PIK3R3: variants seen among roughly 807,000 people sequenced by gnomAD.
PIK3R3 encodes the protein phosphatidylinositol 3-kinase regulatory subunit gamma.
A neutral mutation model predicts 62.9 loss-of-function variants in PIK3R3; 64 were observed. The observed-to-expected ratio is 1.02, with a 90% confidence interval of 0.83 to 1.25. PIK3R3 has a LOEUF of 1.25. Ranked by LOEUF, PIK3R3 falls within the 50% of genes most tolerant of loss-of-function variation. PIK3R3 has a pLI of 0.00. For synonymous variants in PIK3R3, 165 were observed against 189.0 expected (o/e 0.87, Z 1.04); for missense variants, 614 against 561.6 (o/e 1.09, Z -0.94).
chr1:46,132,397 C>G lies in PIK3R3; in HGVS notation c.-445G>C, dbSNP rs868760762. 8.9e-7 allele frequency: 1 copy of G among 1,124,524 alleles called. No individual in the cohort carries two copies. Among genetic ancestry groups the G allele is most frequent in the South Asian group, 1.9e-5 (1 of 52,550 alleles). 69.7% of individuals were successfully genotyped at this position (1,124,524 alleles called of 1,614,324 possible). ...AACCCGGGCAAGTGACAAAGGAAGG[C>G]AAAAAAGGGGGCTGGAGATTGCGTT... On this transcript the variant is annotated 5_prime_UTR_variant, in exon 1 of 10. Transcript: ENST00000262741.
chr1:46,151,291 A>G, the PIK3R3 span, among the ~76,000 whole-genome samples: 2 of 152,072 alleles, frequency 1.3e-5, no homozygotes, highest in South Asian at 2.1e-4. Context: ...CATTTTTGTG[A>G]TGGGAGGTGG....
At chr1:46,163,624 C>G in the PIK3R3 span, among the ~76,000 whole-genome samples, 1 of 152,190 alleles carries the variant, frequency 6.6e-6, no homozygotes, top group Non-Finnish European at 1.5e-5. Context: ...GAAGCTTTCC[C>G]TGTCTCCTTC....
chr1:46,086,325 G>A (rs2149421338), intron 1 of PIK3R3, among the ~76,000 whole-genome samples: 1 of 152,286 alleles, frequency 6.6e-6, no homozygotes, highest in East Asian at 1.9e-4. Context: ...GTGCAGTGGT[G>A]TGCACCTATA....
chr1:46,128,187 C>T (rs963091779), intron 1 of PIK3R3, among the ~76,000 whole-genome samples: 7 of 152,168 alleles, frequency 4.6e-5, no homozygotes, highest in Admixed American at 2.0e-4. Flanking sequence ...GTAATCCCAA[C>T]ACATTGGGAG....
intron 6 of PIK3R3, 104 bp downstream of exon 6, chr1:46,061,825 G>C (rs561182707): frequency 4.9e-6 from 5 of 1,022,890 alleles, no homozygotes; most frequent in African/African-American, 4.8e-5. Context: ...TCCAATAGTA[G>C]GGCTGTGCAG....
At chr1:46,160,045 A>C in the PIK3R3 span, among the ~76,000 whole-genome samples, 1 of 152,132 alleles carries the variant, frequency 6.6e-6, no homozygotes, top group Non-Finnish European at 1.5e-5. Flanking sequence ...TTAGTTCTTT[A>C]GCCTCTCCTT....
chr1:46,152,560 C>CTTT, the PIK3R3 span, among the ~76,000 whole-genome samples: 30 of 124,484 alleles, frequency 2.4e-4, no homozygotes, highest in South Asian at 2.8e-4. Context: ...TGATTAACAT[C>CTTT]TTTTTTTTTT....
chr1:46,058,713 A>C (rs2149387893), intron 6 of PIK3R3, among the ~76,000 whole-genome samples: 1 of 152,300 alleles, frequency 6.6e-6, no homozygotes, highest in African/African-American at 2.4e-5. Flanking sequence ...GTATTTACCC[A>C]ATGTCTGTAC....
chr1:46,160,069 G>A, the PIK3R3 span, among the ~76,000 whole-genome samples: 1 of 152,126 alleles, frequency 6.6e-6, no homozygotes, highest in Non-Finnish European at 1.5e-5. Flanking sequence ...CACAGCCAAT[G>A]ATTTGTCCAA....
chr1:46,092,917 A>C (rs1447842790), intron 1 of PIK3R3, among the ~76,000 whole-genome samples: 1 of 152,030 alleles, frequency 6.6e-6, no homozygotes, highest in Admixed American at 6.6e-5. Flanking sequence ...ATCCATTTTC[A>C]TGCTTTTACT....
At position 46,046,551 on chromosome 1, in the gene PIK3R3, T is replaced by G. The variant is rs1328115361; in HGVS notation, c.1016A>C (p.Glu339Ala). The G allele has an allele frequency of 2.5e-6, 4 of 1,602,342 alleles. No homozygotes were observed. The highest frequency in any genetic ancestry group is 2.2e-5 in the East Asian group (1 of 44,826). The change falls in exon 8 of 10, where the codon GAG becomes GCG. Residue 339 changes from glutamate (E) to alanine (A), a missense_variant and splice_region_variant. By Grantham distance (107) the Glu-to-Ala change is moderately radical (BLOSUM62 -1). Transcript: ENST00000262741. ...WLGIKNEDAD[E>A]NYFINEEDEN... is the part of the protein sequence containing the mutation. ...ACAGAAAGGTATAGAGAGAACTTACTCATCAGCATCCTCATTCTTAATTCC... is the reference window on the plus strand; with the variant it reads ...ACAGAAAGGTATAGAGAGAACTTACGCATCAGCATCCTCATTCTTAATTCC...
the PIK3R3 span, among the ~76,000 whole-genome samples, chr1:46,139,583 A>G: frequency 1.3e-5 from 2 of 152,222 alleles, no homozygotes; most frequent in Non-Finnish European, 2.9e-5. Context: ...CTGGGATTAC[A>G]GGCATGTGCC....
chr1:46,165,904 G>A, the PIK3R3 span, among the ~76,000 whole-genome samples: 1 of 150,972 alleles, frequency 6.6e-6, no homozygotes, highest in South Asian at 2.1e-4. Flanking sequence ...CCGAGTAGCT[G>A]GGACTACAGG....
chr1:46,061,871 T>C, intron 6 of PIK3R3, 58 bp downstream of exon 6: 1 of 1,505,878 alleles, frequency 6.6e-7, no homozygotes. Context: ...CAGAAATTAT[T>C]GGGGAAGAAA....
At position 46,043,087 on chromosome 1, in the gene PIK3R3, A is replaced by T. The variant is rs894919683; in HGVS notation, c.*586T>A. ...ATGCTGAAGCCTAAATTATGTTGGT[A>T]AGAAACAAAATACCTTCAGTTGAAG... On this transcript the variant is annotated 3_prime_UTR_variant, in exon 10 of 10. Transcript: ENST00000262741. The T allele has an allele frequency of 8.8e-6, 2 of 227,662 alleles. No homozygotes were observed. The highest frequency in any genetic ancestry group is 4.4e-5 in the African/African-American group (2 of 44,994). The allele number at this position is 227,662 out of a possible 1,614,324, so 14.1% of individuals were successfully genotyped here.
intron 3 of PIK3R3, among the ~76,000 whole-genome samples, chr1:46,069,011 G>A (rs1374730122): frequency 3.9e-5 from 6 of 152,158 alleles, no homozygotes; most frequent in Non-Finnish European, 7.3e-5. Context: ...ATCTAGGCAA[G>A]GCATGATGGT....
At chr1:46,132,873 TC>T, upstream of PIK3R3, 2 of 1,192,676 alleles carry the variant, frequency 1.7e-6, no homozygotes, top group Non-Finnish European at 2.1e-6. Flanking sequence ...AGGCTTCGGC[TC>T]CCCAATCAGC....
At chr1:46,121,190 C>T (rs1654643345) in intron 1 of PIK3R3, among the ~76,000 whole-genome samples, 1 of 152,140 alleles carries the variant, frequency 6.6e-6, no homozygotes. Flanking sequence ...AGTTCTGTTG[C>T]TTGCAGCTGA....
At chr1:46,152,810 T>G in the PIK3R3 span, among the ~76,000 whole-genome samples, 7 of 152,052 alleles carry the variant, frequency 4.6e-5, no homozygotes, top group Non-Finnish European at 1.0e-4. Flanking sequence ...TGATCTGCCC[T>G]CCTCGGCCTC....
Sources: gnomAD v4.1 joint callset for allele counts (sites outside exome capture counted in the v4.1 genomes callset) on GRCh38, gnomAD v4.1.1 for gene constraint, MANE v1.5 for transcripts, NCBI Gene and HGNC (gene_info 2026-07-23, HGNC 2026-07-21) for gene names.